The following SLC35F4 variants were observed in gnomAD, a reference collection of about 807,000 sequenced individuals.
SLC35F4 encodes the protein solute carrier family 35 member F4.
SLC35F4 carries 24 observed loss-of-function variants against 44.2 expected under a neutral mutation model. The observed-to-expected ratio is 0.54, with a 90% CI of 0.39 to 0.76. SLC35F4 has a LOEUF of 0.76. Ranked by LOEUF, SLC35F4 falls within the 30% of genes least tolerant of loss-of-function variation. SLC35F4 has a pLI of 0.00. For synonymous variants in SLC35F4, 238 were observed against 223.6 expected (o/e 1.06, Z -0.57); for missense variants, 562 against 586.1 (o/e 0.96, Z 0.42).
chr14:57,626,438 T>G (rs1369466039), intron 1 of SLC35F4, among the ~76,000 whole-genome samples: 1 of 151,452 alleles, frequency 6.6e-6, no homozygotes, highest in Non-Finnish European at 1.5e-5. Flanking sequence ...AACTCGTAAA[T>G]AGGAAGATGT....
rs192385114 is a variant in SLC35F4, at chr14:57,856,481, G to C, written c.103+9242C>G. On this transcript the variant is annotated intron_variant, in intron 1 of 7. Transcript: ENST00000556826. Reference sequence around the variant, plus strand: ...AATTTAATGTTAAATCCAAGTATTAGCTAGTGAAAGTAGTATTTTGCATTA... The same window carrying C: ...AATTTAATGTTAAATCCAAGTATTACCTAGTGAAAGTAGTATTTTGCATTA... Among the ~76,000 whole-genome samples, 29 of 152,082 alleles carry C rather than the reference G, an allele frequency of 1.9e-4. 1 individual carries two copies. Among genetic ancestry groups the C allele is most frequent in the African/African-American group, 7.0e-4 (29 of 41,400 alleles).
intron 1 of SLC35F4, among the ~76,000 whole-genome samples, chr14:57,768,500 ATC>A (rs959399265): frequency 3.3e-5 from 5 of 152,192 alleles, no homozygotes; most frequent in Non-Finnish European, 5.9e-5. Context: ...TCAAAAGTTA[ATC>A]TCTTATCTTT....
intron 1 of SLC35F4, among the ~76,000 whole-genome samples, chr14:57,668,618 G>T (rs1160413400): frequency 3.9e-5 from 6 of 151,944 alleles, no homozygotes; most frequent in Admixed American, 6.6e-5. Flanking sequence ...TTTTGTCAGG[G>T]TTGTCAAAGA....
intron 1 of SLC35F4, chr14:57,602,266 C>T (rs960585422): frequency 6.6e-6 from 1 of 151,880 alleles, no homozygotes; most frequent in African/African-American, 2.4e-5. Flanking sequence ...GCTTCCAACA[C>T]AGGAAAGTGT....
chr14:57,883,113 A>G (rs72714709), intron 1 of SLC35F4, among the ~76,000 whole-genome samples: 5,426 of 152,212 alleles, frequency 0.036, 137 homozygotes, highest in Non-Finnish European at 0.056. Context: ...CACTTATTCA[A>G]GAAGAATGCG....
rs181440013 is a variant in SLC35F4 at position 57,826,677 on chromosome 14, C to A, written c.103+39046G>T. 2.0e-3 allele frequency among the ~76,000 whole-genome samples: 301 copies of A among 149,986 alleles called. 2 individuals are homozygous for A. Among genetic ancestry groups the A allele is most frequent in the Non-Finnish European group, 2.9e-3 (196 of 67,436 alleles). On this transcript the variant is annotated intron_variant, in intron 1 of 7. Transcript: ENST00000556826. The stretch of plus-strand genomic sequence containing the variant: ...AAACAAATTTAAAAGAAAAAAAAAA[C>A]TAGTAAGAAGTGGGTGAAGGACATG...
Position 57,643,769 on chromosome 14 carries a change from T to TC in SLC35F4, c.104-49646dup, listed in dbSNP as rs753642496. On this transcript the variant is annotated intron_variant, in intron 1 of 7. Transcript: ENST00000556826. ...TCTCCTAATACTATCCCTCCCCCCT[T>TC]CCCCCACCCCACAACAGGCCCGGGT... 2.7e-4 allele frequency among the ~76,000 whole-genome samples: 41 copies of TC among 152,060 alleles called. 1 individual carries two copies. In the East Asian group the frequency reaches 7.4e-3, roughly 27 times the overall value.
intron 1 of SLC35F4, among the ~76,000 whole-genome samples, chr14:57,794,044 T>C (rs1389652463): frequency 5.3e-5 from 8 of 152,008 alleles, no homozygotes; most frequent in Non-Finnish European, 8.8e-5. Flanking sequence ...TCTTTCATCA[T>C]ATAAAAAATT....
intron 1 of SLC35F4, among the ~76,000 whole-genome samples, chr14:57,933,324 C>G (rs1889734708): frequency 6.6e-6 from 1 of 152,132 alleles, no homozygotes; most frequent in African/African-American, 2.4e-5. Flanking sequence ...CACCTGGCCT[C>G]TCCTATTTAC....
At chr14:57,639,365 A>T (rs1208675467) in intron 1 of SLC35F4, among the ~76,000 whole-genome samples, 1 of 152,034 alleles carries the variant, frequency 6.6e-6, no homozygotes, top group Admixed American at 6.6e-5. Flanking sequence ...TGTATAAATT[A>T]AAAACACAGA....
intron 4 of SLC35F4, among the ~76,000 whole-genome samples, chr14:57,576,207 T>G (rs2068781637): frequency 6.6e-6 from 1 of 152,200 alleles, no homozygotes; most frequent in African/African-American, 2.4e-5. Flanking sequence ...CTTCCTACAG[T>G]GTTCCTTTAA....
intron 1 of SLC35F4, among the ~76,000 whole-genome samples, chr14:57,919,270 T>C (rs1325178665): frequency 6.6e-6 from 1 of 152,212 alleles, no homozygotes; most frequent in Admixed American, 6.5e-5. Flanking sequence ...TTATTTATTA[T>C]AGCAGCCCTA....
chr14:57,724,023 C>A (rs2076146131), intron 1 of SLC35F4, among the ~76,000 whole-genome samples: 2 of 152,172 alleles, frequency 1.3e-5, no homozygotes. Context: ...GCATTTGGCC[C>A]CTTCTACAAC....
At chr14:57,786,192 T>C (rs2077753216) in intron 1 of SLC35F4, among the ~76,000 whole-genome samples, 1 of 152,070 alleles carries the variant, frequency 6.6e-6, no homozygotes, top group African/African-American at 2.4e-5. Flanking sequence ...GAGGCAGCCA[T>C]AATTCTCCTA....
At chr14:57,729,654 C>T (rs75466391) in intron 1 of SLC35F4, among the ~76,000 whole-genome samples, 5,946 of 152,258 alleles carry the variant, frequency 0.039, 138 homozygotes, top group South Asian at 0.082. Context: ...TTAAGGAGAG[C>T]TGCACTGCCT....
intron 1 of SLC35F4, among the ~76,000 whole-genome samples, chr14:57,732,646 C>T (rs906053499): frequency 6.6e-6 from 1 of 152,112 alleles, no homozygotes; most frequent in African/African-American, 2.4e-5. Flanking sequence ...GTTGAAGCAA[C>T]AGGCAGGACC....
intron 1 of SLC35F4, among the ~76,000 whole-genome samples, chr14:57,803,620 A>C (rs1430312555): frequency 3.7e-5 from 4 of 107,456 alleles, no homozygotes; most frequent in Admixed American, 2.8e-4. Flanking sequence ...ATGGACTTTC[A>C]CTCTTGTCAC....
At chr14:57,809,244 A>G (rs59965832) in intron 1 of SLC35F4, among the ~76,000 whole-genome samples, 9,657 of 152,190 alleles carry the variant, frequency 0.063, 587 homozygotes, top group African/African-American at 0.14. Flanking sequence ...CATGTAAGGG[A>G]GACAGTGTTA....
chr14:57,850,520 T>C (rs1028816393), intron 1 of SLC35F4, among the ~76,000 whole-genome samples: 1 of 152,216 alleles, frequency 6.6e-6, no homozygotes, highest in African/African-American at 2.4e-5. Flanking sequence ...AAGACATTTG[T>C]ATCACTTTTG....
Sources: gnomAD v4.1 joint callset for allele counts (sites outside exome capture counted in the v4.1 genomes callset) on GRCh38, gnomAD v4.1.1 for gene constraint, MANE v1.5 for transcripts, NCBI Gene and HGNC (gene_info 2026-07-23, HGNC 2026-07-21) for gene names.